Variants in LYG1 observed in about 807,000 individuals in gnomAD.
LYG1 encodes the protein lysozyme g1, also known as lysozyme g-like protein 1.
A neutral mutation model predicts 21.7 loss-of-function variants in LYG1; 17 were observed. The observed-to-expected ratio is 0.78, with a 90% CI of 0.54 to 1.18. LYG1 has a LOEUF of 1.18. LYG1 is among the 50% of genes most tolerant of loss of function. The probability of loss-of-function intolerance (pLI) is 0.00; values close to 1 mark genes in which losing one functional copy is unlikely to be tolerated. For synonymous variants in LYG1, 81 were observed against 87.4 expected, an observed-to-expected ratio of 0.93 and a Z score of 0.41; for missense variants, 211 against 238.1, an observed-to-expected ratio of 0.89 and a Z score of 0.75.
At chr2:99,295,101 C>CAA (rs202112047) in intron 3 of LYG1, among the ~76,000 whole-genome samples, 4 of 151,502 alleles carry the variant, frequency 2.6e-5, no homozygotes, top group South Asian at 4.2e-4. Flanking sequence ...AATTCCATCT[C>CAA]AAAAAAAACA....
intron 2 of LYG1, among the ~76,000 whole-genome samples, chr2:99,295,914 T>C (rs1009775667): frequency 1.3e-5 from 2 of 151,932 alleles, no homozygotes; most frequent in Non-Finnish European, 2.9e-5. Flanking sequence ...ATGAGAAGAC[T>C]CTTACTCAGC....
At chr2:99,292,502 G>A (rs543041607) in intron 4 of LYG1, 34 bp downstream of exon 4, 1 of 1,487,534 alleles carries the variant, frequency 6.7e-7, no homozygotes, top group South Asian at 1.1e-5. Flanking sequence ...TGAAAGCCGG[G>A]GGATAGGTTG....
intron 2 of LYG1, among the ~76,000 whole-genome samples, chr2:99,297,535 G>T (rs1922625): frequency 0.83 from 126,406 of 152,180 alleles, 53,098 homozygotes; most frequent in Middle Eastern, 0.98. Flanking sequence ...GAGAGCTACC[G>T]TATTTTCCAT....
In LYG1 at chr2:99,284,407, T is replaced by C. The variant is rs1359197069; in HGVS notation, c.571A>G (p.Arg191Gly). The C allele has an allele frequency of 1.9e-6, 3 of 1,614,026 alleles. No homozygotes were observed. The highest frequency in any genetic ancestry group is 1.7e-6 in the Non-Finnish European group (2 of 1,179,856). The stretch of plus-strand genomic sequence containing the variant: ...CATCTGAGATGTTAGAAGCCATGTC[T>C]CTTGAGGTACTTGGCTCGTGCAAGG... ...DVLARAKYLK[R>G]HGF is the part of the protein sequence containing the mutation. The change falls in exon 7 of 7, where the codon AGA (arginine) becomes GGA (glycine). Residue 191 changes from arginine to glycine, a missense_variant. Physicochemically the swap from Arg to Gly is moderately radical, Grantham distance 125. Transcript: ENST00000308528.
chr2:99,288,949 C>T (rs1053963534), intron 5 of LYG1, among the ~76,000 whole-genome samples: 3 of 152,144 alleles, frequency 2.0e-5, no homozygotes, highest in Admixed American at 1.3e-4. Flanking sequence ...CCACTGCTTC[C>T]AGCACCCATC....
intron 3 of LYG1, among the ~76,000 whole-genome samples, chr2:99,293,340 C>A (rs2094126632): frequency 6.6e-6 from 1 of 152,190 alleles, no homozygotes; most frequent in African/African-American, 2.4e-5. Context: ...TCAAATACTC[C>A]TAACTTGTTG....
intron 5 of LYG1, among the ~76,000 whole-genome samples, chr2:99,289,614 G>T (rs577628049): frequency 2.0e-5 from 3 of 152,298 alleles, no homozygotes; most frequent in East Asian, 3.9e-4. Flanking sequence ...CTCAGTTAAT[G>T]ACTGAGTTAG....
At chr2:99,303,586 C>T (rs1197709974), upstream of LYG1, among the ~76,000 whole-genome samples, 2 of 152,144 alleles carry the variant, frequency 1.3e-5, no homozygotes, top group African/African-American at 2.4e-5. Flanking sequence ...AGGCACATGA[C>T]GGTCAGATTT....
chr2:99,299,263 T>C (rs1345213015), intron 1 of LYG1, among the ~76,000 whole-genome samples: 5 of 150,370 alleles, frequency 3.3e-5, no homozygotes, highest in Admixed American at 2.6e-4. Flanking sequence ...TTTTGTTTTT[T>C]CTTTTTCTTT....
upstream of LYG1, among the ~76,000 whole-genome samples, chr2:99,304,033 G>A (rs11897443): frequency 0.37 from 56,479 of 152,004 alleles, 11,235 homozygotes; most frequent in East Asian, 0.63. Flanking sequence ...TTAGCCAGGC[G>A]TGGTGGGGGC....
Position 99,292,633 on chromosome 2 carries a change from A to G in LYG1, c.51T>C (p.Ser17=), listed in dbSNP as rs1559221205. The G allele has an allele frequency of 6.2e-7, 1 of 1,613,332 alleles. No individual in the cohort carries two copies. Among genetic ancestry groups the G allele is most frequent in the Non-Finnish European group, 8.5e-7 (1 of 1,179,238 alleles). Residue 17 remains serine, a synonymous_variant, in exon 4 of 7, where the codon TCT becomes TCC. Coordinates refer to ENST00000308528, the MANE Select transcript of LYG1 (RefSeq NM_174898.3). ...CATAGCATCCCCAGTTGCTGCTTTC[A>G]GACAAGTCTACAAGTTGAGAAAAGT... ...LLGLLALMDL[S]ESSNWGCYGN...
chr2:99,295,587 T>C, intron 3 of LYG1, 41 bp downstream of exon 3: 1 of 1,611,162 alleles, frequency 6.2e-7, no homozygotes, highest in Non-Finnish European at 8.5e-7. Flanking sequence ...TGCTTATCCT[T>C]CCCATCTCCA....
At chr2:99,285,090 G>A (rs891632421) in intron 5 of LYG1, among the ~76,000 whole-genome samples, 2 of 152,128 alleles carry the variant, frequency 1.3e-5, no homozygotes, top group Non-Finnish European at 2.9e-5. Flanking sequence ...TGCCAGACAC[G>A]GTGGCTTATG....
In LYG1 at chr2:99,291,407, C is replaced by G. The variant is rs1467924329; in HGVS notation, c.163G>C (p.Glu55Gln). 6.2e-7 allele frequency: 1 copy of G among 1,614,118 alleles called. No homozygotes were observed. Among genetic ancestry groups the G allele is most frequent in the Admixed American group, 1.7e-5 (1 of 60,016 alleles). Reference protein sequence around the residue: ...GLNYCGVRASERLAEIDMPYL... With the variant: ...GLNYCGVRASQRLAEIDMPYL... ...GGCATGTCTATTTCAGCCAGCCTTT[C>G]AGAAGCACGAACTCCTAAACCAAAC... The change falls in exon 5 of 7, where the codon GAA becomes CAA. Residue 55 changes from glutamate (E) to glutamine (Q), a missense_variant. Physicochemically the swap from Glu to Gln is conservative, Grantham distance 29 (BLOSUM62 2). Coordinates refer to ENST00000308528, the MANE Select transcript of LYG1 (RefSeq NM_174898.3).
chr2:99,286,309 G>C lies in LYG1; in HGVS notation c.334-1489C>G, dbSNP rs114352894. On this transcript the variant is annotated intron_variant, in intron 5 of 6. Coordinates refer to ENST00000308528, the MANE Select transcript of LYG1 (RefSeq NM_174898.3). ...AGACTAAGACAACTAGGGTTGGTGA[G>C]GATGTAGAGAAACTGAAATCATTGT... Among the ~76,000 whole-genome samples, 411 of 152,340 alleles carry C rather than the reference G, an allele frequency of 2.7e-3. 2 individuals carry two copies. Among genetic ancestry groups the C allele is most frequent in the African/African-American group, 9.2e-3 (381 of 41,576 alleles).
intron 5 of LYG1, 64 bp downstream of exon 5, chr2:99,291,173 C>T: frequency 6.6e-7 from 1 of 1,522,560 alleles, no homozygotes; most frequent in African/African-American, 1.4e-5. Context: ...TGCCATCATC[C>T]AAAAAACAAA....
chr2:99,300,844 T>A (rs1184054743), intron 1 of LYG1, among the ~76,000 whole-genome samples: 1 of 127,806 alleles, frequency 7.8e-6, no homozygotes, highest in African/African-American at 3.0e-5. Flanking sequence ...TAAATTTTGA[T>A]GAGTGTTGTA....
intron 2 of LYG1, among the ~76,000 whole-genome samples, chr2:99,296,948 G>A (rs1167648757): frequency 1.3e-5 from 2 of 152,084 alleles, no homozygotes; most frequent in Non-Finnish European, 2.9e-5. Context: ...AGCCCAGAGG[G>A]TCAAGGGTGC....
chr2:99,302,479 G>A (rs532217775), upstream of LYG1, among the ~76,000 whole-genome samples: 3 of 152,230 alleles, frequency 2.0e-5, no homozygotes, highest in Non-Finnish European at 2.9e-5. Flanking sequence ...TGGGCCCCAG[G>A]TTAGACGTGT....
Sources: allele counts gnomAD v4.1 joint callset (sites outside exome capture counted in the v4.1 genomes callset), GRCh38; gene constraint gnomAD v4.1.1; transcripts MANE v1.5; gene names NCBI Gene and HGNC (gene_info 2026-07-23, HGNC 2026-07-21).